The following PTPRK variants were observed in gnomAD, a reference collection of about 807,000 sequenced individuals.
The protein encoded by PTPRK is receptor-type tyrosine-protein phosphatase kappa.
Under a neutral mutation model 178.0 loss-of-function variants are expected in PTPRK, and 75 were observed. The observed-to-expected ratio is 0.42, with a 90% CI of 0.35 to 0.51. The LOEUF is 0.51. Ranked by LOEUF, PTPRK falls within the 20% of genes least tolerant of loss-of-function variation. The pLI is 0.02. For missense variants in PTPRK, 1,441 were observed against 1,797.8 expected (o/e 0.80, Z 3.59); for synonymous variants, 637 against 620.6 (o/e 1.03, Z -0.39).
At chr6:128,147,577 A>C (rs1796672042) in intron 7 of PTPRK, among the ~76,000 whole-genome samples, 1 of 152,182 alleles carries the variant, frequency 6.6e-6, no homozygotes, top group East Asian at 1.9e-4. Flanking sequence ...GCATCCAATA[A>C]GTAAATCTCA....
chr6:128,285,108 C>T (rs757155477), intron 3 of PTPRK, among the ~76,000 whole-genome samples: 2 of 152,204 alleles, frequency 1.3e-5, no homozygotes, highest in Non-Finnish European at 2.9e-5. Flanking sequence ...ACCCAAATTA[C>T]ACAAAAACAG....
intron 3 of PTPRK, among the ~76,000 whole-genome samples, chr6:128,312,953 A>C (rs1827456755): frequency 6.6e-6 from 1 of 152,168 alleles, no homozygotes; most frequent in South Asian, 2.1e-4. Flanking sequence ...AGAAACATTA[A>C]CAAATAATAT....
chr6:128,501,003 G>A (rs535612096), intron 1 of PTPRK: 1 of 152,450 alleles, frequency 6.6e-6, no homozygotes, highest in East Asian at 1.9e-4. Flanking sequence ...CAGCCTCCCA[G>A]GTAGGCTGGG....
intron 11 of PTPRK, among the ~76,000 whole-genome samples, chr6:128,068,507 A>G (rs1248796227): frequency 6.6e-6 from 1 of 152,226 alleles, no homozygotes; most frequent in Non-Finnish European, 1.5e-5. Flanking sequence ...ACCTTCTGAT[A>G]TCTTTAAGTC....
chr6:128,449,036 T>TC (rs1248716053), intron 1 of PTPRK, among the ~76,000 whole-genome samples: 1 of 151,776 alleles, frequency 6.6e-6, no homozygotes, highest in Non-Finnish European at 1.5e-5. Flanking sequence ...ATTTTTTTTT[T>TC]CCCCCAGTAG....
chr6:127,990,080 C>T (rs1278540543), intron 21 of PTPRK, among the ~76,000 whole-genome samples: 3 of 152,078 alleles, frequency 2.0e-5, no homozygotes, highest in Non-Finnish European at 4.4e-5. Flanking sequence ...AAAATTCAGA[C>T]CATGTTATCC....
chr6:128,103,267 C>T (rs955532185), intron 7 of PTPRK, among the ~76,000 whole-genome samples: 1 of 152,104 alleles, frequency 6.6e-6, no homozygotes, highest in Non-Finnish European at 1.5e-5. Flanking sequence ...CCCATACATC[C>T]CGCTGAGAGC....
intron 4 of PTPRK, chr6:128,241,221 A>C (rs1814371836): frequency 1.9e-6 from 1 of 533,142 alleles, no homozygotes; most frequent in Admixed American, 1.9e-5. Context: ...CTAGTGACTT[A>C]CCTCTCAGGA....
At chr6:128,441,048 T>C (rs1380195214) in intron 1 of PTPRK, among the ~76,000 whole-genome samples, 1 of 152,120 alleles carries the variant, frequency 6.6e-6, no homozygotes, top group Non-Finnish European at 1.5e-5. Context: ...TTCCAAAATC[T>C]ATGCTAATAT....
At chr6:128,210,674 T>G (rs1807974657) in intron 6 of PTPRK, among the ~76,000 whole-genome samples, 1 of 151,892 alleles carries the variant, frequency 6.6e-6, no homozygotes, top group Non-Finnish European at 1.5e-5. Flanking sequence ...TCATTTAAGG[T>G]CACTTAGAAC....
At chr6:128,177,337 T>C (rs1397274605) in intron 7 of PTPRK, among the ~76,000 whole-genome samples, 1 of 151,738 alleles carries the variant, frequency 6.6e-6, no homozygotes, top group Non-Finnish European at 1.5e-5. Flanking sequence ...AACCTAGGAC[T>C]TGAGGGGAAA....
At chr6:127,976,173 G>A (rs1474355709) in intron 27 of PTPRK, among the ~76,000 whole-genome samples, 1 of 152,148 alleles carries the variant, frequency 6.6e-6, no homozygotes, top group Non-Finnish European at 1.5e-5. Context: ...TTGCAGGTAG[G>A]ATAATCAATA....
rs763376486 is a variant in PTPRK, at chr6:128,519,177, C to A, written c.100+1082G>T. ...TGGCCAGAAAAGTTGTCAGGACTGG[C>A]GGGAGGTAGACAAGTGCTCGGGAGC... is the stretch of plus-strand genomic sequence containing the variant. On this transcript the variant is annotated intron_variant, in intron 1 of 29. Transcript: ENST00000368226. The surrounding 1 kb of genome is among the most constrained non-coding windows in gnomAD (Gnocchi z 4.3). The A allele has an allele frequency of 4.2e-6, 2 of 472,858 alleles. No homozygotes were observed. The highest frequency in any genetic ancestry group is 6.8e-5 in the East Asian group (1 of 14,614). The allele number at this position is 472,858 out of a possible 1,614,324, so 29.3% of individuals were successfully genotyped here.
In PTPRK at chr6:128,051,075, T is replaced by C. The variant is rs116119565; in HGVS notation, c.2194+13683A>G. Among the ~76,000 whole-genome samples, 635 of 152,346 alleles carry C rather than the reference T, an allele frequency of 4.2e-3. 6 individuals are homozygous for C. Among genetic ancestry groups the C allele is most frequent in the African/African-American group, 0.015 (607 of 41,572 alleles). ...TAATCTAATACACTTCTCAATTTTT[T>C]CTGTTGGTGTCACTTGTCCATTTGC... On this transcript the variant is annotated intron_variant, in intron 13 of 29. Transcript: ENST00000368226.
At chr6:128,053,572 T>G (rs1320021473) in intron 13 of PTPRK, among the ~76,000 whole-genome samples, 1 of 152,152 alleles carries the variant, frequency 6.6e-6, no homozygotes, top group Non-Finnish European at 1.5e-5. Flanking sequence ...TGTGTTGATG[T>G]TCTACTCACC....
intron 24 of PTPRK, 36 bp from the exon 25 acceptor site, chr6:127,981,325 G>A (rs1440723048): frequency 2.5e-6 from 4 of 1,569,948 alleles, no homozygotes; most frequent in African/African-American, 1.4e-5. Context: ...AAAAGACAGT[G>A]TGACCCATTT....
chr6:128,285,535 G>C (rs1822353624), intron 3 of PTPRK, among the ~76,000 whole-genome samples: 1 of 151,390 alleles, frequency 6.6e-6, no homozygotes, highest in Admixed American at 6.6e-5. Context: ...AAAAGGCTGG[G>C]CGTGGTGGCT....
chr6:128,321,929 C>G, intron 3 of PTPRK, 110 bp downstream of exon 3: 2 of 1,429,794 alleles, frequency 1.4e-6, no homozygotes, highest in Non-Finnish European at 1.9e-6. Context: ...GTGGGGGAGG[C>G]AAGAGGGCAA....
chr6:128,013,923 T>C (rs77948476), intron 13 of PTPRK, among the ~76,000 whole-genome samples: 2,685 of 151,632 alleles, frequency 0.018, 98 homozygotes, highest in African/African-American at 0.061. Flanking sequence ...CTGTATCATA[T>C]CACTTCACTG....
Sources: gnomAD v4.1 joint callset for allele counts (sites outside exome capture counted in the v4.1 genomes callset) on GRCh38, gnomAD v4.1.1 for gene constraint, Gnocchi (gnomAD v3.1) non-coding constraint, MANE v1.5 for transcripts, NCBI Gene and HGNC (gene_info 2026-07-23, HGNC 2026-07-21) for gene names.